KCNIP4: variants seen among roughly 807,000 people sequenced by gnomAD.
The protein encoded by KCNIP4 is potassium voltage-gated channel interacting protein 4.
In KCNIP4, 12 loss-of-function variants were observed where a neutral mutation model predicts 34.0. The ratio of observed to expected loss-of-function variants is 0.35; its 90% CI spans 0.23 to 0.57. The LOEUF (loss-of-function observed/expected upper bound fraction) is 0.57, where lower values mean the gene tolerates loss of function less well. Among genes scored for constraint, KCNIP4 ranks in the 20% least tolerant of loss-of-function variants. The pLI, the probability that KCNIP4 is intolerant of heterozygous loss-of-function variation, is 0.83. For synonymous variants in KCNIP4, 124 were observed against 102.2 expected (o/e 1.21, Z -1.29); for missense variants, 238 against 311.7 (o/e 0.76, Z 1.78).
intron 1 of KCNIP4, among the ~76,000 whole-genome samples, chr4:21,474,579 A>G (rs1162925659): frequency 6.6e-6 from 1 of 152,170 alleles, no homozygotes; most frequent in East Asian, 1.9e-4. Context: ...CCTTTCCCCA[A>G]AGCATTATCT....
At chr4:21,365,582 A>T (rs557937672) in intron 1 of KCNIP4, among the ~76,000 whole-genome samples, 10 of 151,970 alleles carry the variant, frequency 6.6e-5, no homozygotes, top group African/African-American at 2.2e-4. Flanking sequence ...CCTGTACCTA[A>T]AACAGTTGTA....
chr4:21,505,674 G>T lies in KCNIP4; in HGVS notation c.61+442897C>A, dbSNP rs558192809. Among the ~76,000 whole-genome samples, 61 of 152,164 alleles carry T rather than the reference G, an allele frequency of 4.0e-4. No individual in the cohort carries two copies. The South Asian group carries it at 0.012, about 29-fold the overall frequency. On this transcript the variant is annotated intron_variant, in intron 1 of 8. Transcript: ENST00000382152. ...TTCCCCTGACTTTCAGCACTCAAAA[G>T]GCAAATCATGCATCTTATTCATCTT...
chr4:20,917,908 C>T lies in KCNIP4; in HGVS notation c.62-35199G>A, dbSNP rs573493730. ...CCATGTTGCAGACCTTTTGTTTTAA[C>T]GTGTCCAACTTGGCCTTCCTCAGGA... On this transcript the variant is annotated intron_variant, in intron 1 of 8. Coordinates refer to ENST00000382152, the MANE Select transcript of KCNIP4 (RefSeq NM_025221.6). Among the ~76,000 whole-genome samples the T allele has an allele frequency of 1.5e-4, 23 of 152,128 alleles. 1 individual carries two copies. Among genetic ancestry groups the T allele is most frequent in the Non-Finnish European group, 2.6e-4 (18 of 68,030 alleles).
At chr4:21,113,054 A>G (rs982023216) in intron 1 of KCNIP4, among the ~76,000 whole-genome samples, 2 of 152,166 alleles carry the variant, frequency 1.3e-5, no homozygotes, top group African/African-American at 2.4e-5. Flanking sequence ...ACATAAATAT[A>G]AGATTTTTGA....
chr4:21,824,707 TG>T, intron 1 of KCNIP4, among the ~76,000 whole-genome samples: 1 of 152,160 alleles, frequency 6.6e-6, no homozygotes, highest in Admixed American at 6.6e-5. Context: ...GCCAGCTCTG[TG>T]TGAATTAAAC....
At chr4:21,489,185 A>C (rs938060148) in intron 1 of KCNIP4, among the ~76,000 whole-genome samples, 6 of 152,088 alleles carry the variant, frequency 3.9e-5, no homozygotes, top group Non-Finnish European at 8.8e-5. Context: ...ACTGTAACTT[A>C]GTTCCTTTTG....
intron 1 of KCNIP4, among the ~76,000 whole-genome samples, chr4:21,036,673 C>A (rs1039349938): frequency 6.6e-6 from 1 of 152,132 alleles, no homozygotes; most frequent in East Asian, 1.9e-4. Context: ...TTGCAGTGAG[C>A]CGAGATGGCA....
At chr4:21,715,679 C>T (rs1398676488) in intron 1 of KCNIP4, among the ~76,000 whole-genome samples, 2 of 151,912 alleles carry the variant, frequency 1.3e-5, no homozygotes, top group East Asian at 3.9e-4. Context: ...TATACTGAGC[C>T]AAAGAAATAG....
chr4:21,432,110 A>ATATATG (rs1726528203), intron 1 of KCNIP4, among the ~76,000 whole-genome samples: 1 of 103,282 alleles, frequency 9.7e-6, no homozygotes. Flanking sequence ...ATATATATAT[A>ATATATG]TATATATATA....
At chr4:21,757,181 AGG>A in intron 1 of KCNIP4, among the ~76,000 whole-genome samples, 1 of 33,800 alleles carries the variant, frequency 3.0e-5, no homozygotes, top group Non-Finnish European at 5.7e-5. Context: ...GAAGGAAGGA[AGG>A]AAGGAAGGAA....
intron 1 of KCNIP4, among the ~76,000 whole-genome samples, chr4:20,922,543 G>GTCTATCTATCTA (rs772424861): frequency 2.2e-4 from 18 of 81,962 alleles, no homozygotes; most frequent in African/African-American, 5.4e-4. Context: ...CTGTCTGTCT[G>GTCTATCTATCTA]TCTGTCTATC....
intron 1 of KCNIP4, among the ~76,000 whole-genome samples, chr4:21,202,393 A>G (rs1325768475): frequency 6.6e-6 from 1 of 152,200 alleles, no homozygotes; most frequent in Non-Finnish European, 1.5e-5. Context: ...ACACTTGGAC[A>G]TAAAGATGGA....
At chr4:21,427,201 G>T (rs1240809664) in intron 1 of KCNIP4, among the ~76,000 whole-genome samples, 1 of 151,794 alleles carries the variant, frequency 6.6e-6, no homozygotes, top group Non-Finnish European at 1.5e-5. Flanking sequence ...TTAGAAAAAG[G>T]TATGATTTAC....
intron 1 of KCNIP4, chr4:21,855,591 T>C (rs1724698969): frequency 6.6e-6 from 1 of 152,208 alleles, no homozygotes; most frequent in South Asian, 2.1e-4. Context: ...AGTTTCTTTT[T>C]TCTGGGACCC....
At chr4:21,672,937 T>A (rs1749616870) in intron 1 of KCNIP4, among the ~76,000 whole-genome samples, 1 of 152,212 alleles carries the variant, frequency 6.6e-6, no homozygotes, top group African/African-American at 2.4e-5. Flanking sequence ...TTTCCTGCCA[T>A]GCAGGTTTCT....
chr4:21,514,755 G>C (rs1278126266), intron 1 of KCNIP4, among the ~76,000 whole-genome samples: 4 of 152,152 alleles, frequency 2.6e-5, no homozygotes, highest in Admixed American at 2.6e-4. Context: ...CTCTCAATTA[G>C]ATATTCTCAG....
intron 1 of KCNIP4, among the ~76,000 whole-genome samples, chr4:21,200,336 A>ACAT (rs1756385976): frequency 7.7e-6 from 1 of 130,008 alleles, no homozygotes. Flanking sequence ...GTATATATAT[A>ACAT]TACATACATA....
intron 3 of KCNIP4, among the ~76,000 whole-genome samples, chr4:20,789,351 A>G (rs1295035176): frequency 1.3e-5 from 2 of 152,172 alleles, no homozygotes; most frequent in African/African-American, 4.8e-5. Context: ...TAAAAGAAAA[A>G]TAAAGACAAT....
chr4:20,906,134 TTC>T (rs375623212), intron 1 of KCNIP4, among the ~76,000 whole-genome samples: 4 of 137,072 alleles, frequency 2.9e-5, no homozygotes, highest in South Asian at 4.4e-4. Flanking sequence ...CTCTTTCTCT[TTC>T]TCTCTCTCTT....
Sources: gnomAD v4.1 joint callset for allele counts (sites outside exome capture counted in the v4.1 genomes callset) on GRCh38, gnomAD v4.1.1 for gene constraint, MANE v1.5 for transcripts, NCBI Gene and HGNC (gene_info 2026-07-23, HGNC 2026-07-21) for gene names.